Variants in BCAR1 observed in about 807,000 individuals in gnomAD.
BCAR1 encodes the protein breast cancer anti-estrogen resistance protein 1.
BCAR1 carries 30 observed loss-of-function variants against 67.6 expected under a neutral mutation model. That is an observed-to-expected ratio of 0.44 (90% CI 0.33 to 0.60). The LOEUF (loss-of-function observed/expected upper bound fraction) is 0.60. Ranked by LOEUF, BCAR1 falls within the 20% of genes least tolerant of loss-of-function variation. The pLI is 0.02. For synonymous variants in BCAR1, 626 were observed against 556.7 expected, an observed-to-expected ratio of 1.12 and a Z score of -1.75; for missense variants, 1,313 against 1,222.3, an observed-to-expected ratio of 1.07 and a Z score of -1.11.
At chr16:75,259,896 G>T (rs1597283144) in intron 1 of BCAR1, among the ~76,000 whole-genome samples, 1 of 150,230 alleles carries the variant, frequency 6.7e-6, no homozygotes, top group Non-Finnish European at 1.5e-5. Context: ...TATGCTCGAG[G>T]AATAAAGCCA....
chr16:75,234,751 T>G, intron 5 of BCAR1, 138 bp downstream of exon 5: 1 of 1,310,202 alleles, frequency 7.6e-7, no homozygotes, highest in Non-Finnish European at 1.0e-6. Context: ...GGGGCCAATG[T>G]GGGGTGAGGG....
At chr16:75,262,315 G>A (rs980679434) in intron 1 of BCAR1, among the ~76,000 whole-genome samples, 5 of 152,230 alleles carry the variant, frequency 3.3e-5, no homozygotes, top group African/African-American at 7.2e-5. Context: ...GAGAGACAGC[G>A]GGGCAAGCAG....
At chr16:75,255,365 G>T (rs966639933), upstream of BCAR1, among the ~76,000 whole-genome samples, 1 of 152,118 alleles carries the variant, frequency 6.6e-6, no homozygotes, top group Non-Finnish European at 1.5e-5. Flanking sequence ...AGGAAGAAAC[G>T]GTATCTCTGG....
chr16:75,245,797 C>T (rs549253220), intron 1 of BCAR1, among the ~76,000 whole-genome samples: 2 of 152,190 alleles, frequency 1.3e-5, no homozygotes, highest in East Asian at 3.9e-4. Context: ...CCCGCCTCTC[C>T]GGGCCTCTCT....
chr16:75,259,708 C>A (rs991344693), intron 1 of BCAR1, among the ~76,000 whole-genome samples: 6 of 151,382 alleles, frequency 4.0e-5, no homozygotes, highest in African/African-American at 1.5e-4. Flanking sequence ...AAAAATTAGC[C>A]GGGCATGGTG....
intron 2 of BCAR1, chr16:75,238,768 C>T: frequency 1.0e-6 from 1 of 985,550 alleles, no homozygotes; most frequent in Non-Finnish European, 1.2e-6. Flanking sequence ...CTTGAGTCTC[C>T]TCCAGAACTA....
chr16:75,251,682 G>A (rs2077684772), upstream of BCAR1: 1 of 994,266 alleles, frequency 1.0e-6, no homozygotes, highest in Non-Finnish European at 1.2e-6. Flanking sequence ...CAGCATGCCC[G>A]GCCGCGCGCG....
chr16:75,265,978 C>T, intron 1 of BCAR1: 1 of 1,056,222 alleles, frequency 9.5e-7, no homozygotes, highest in Non-Finnish European at 1.1e-6. Context: ...GGACGCCGGA[C>T]TGTCCGGCCG....
chr16:75,262,354 C>G (rs1417617585), intron 1 of BCAR1, among the ~76,000 whole-genome samples: 1 of 152,180 alleles, frequency 6.6e-6, no homozygotes, highest in Non-Finnish European at 1.5e-5. Flanking sequence ...GAAGAGGGAG[C>G]CTGACACAAC....
At position 75,263,305 on chromosome 16, in the gene BCAR1, A is replaced by G. The variant is rs1215876437; in HGVS notation, c.66+4610T>C. ...CCCCTAAACATGGACTCCCAAGCCA[A>G]TGCCAGCCAGAGGTCTGAGGTGGGT... On this transcript the variant is annotated intron_variant, in intron 1 of 6. Coordinates refer to the BCAR1 transcript ENST00000393422. 4 of 985,312 alleles carry G rather than the reference A, an allele frequency of 4.1e-6. No homozygotes were observed. The Admixed American group carries it at 2.5e-4, about 61-fold the overall frequency. The allele number at this position is 985,312 out of a possible 1,614,324, so 61.0% of individuals were successfully genotyped here. A position where few individuals can be genotyped will look rare whatever the true frequency, so the allele number is the denominator to read the frequency against.
chr16:75,260,626 T>A, intron 1 of BCAR1, among the ~76,000 whole-genome samples: 3 of 105,108 alleles, frequency 2.9e-5, no homozygotes, highest in Non-Finnish European at 1.9e-5. Context: ...AGAGTGAGAC[T>A]CCATCTCAAA....
At chr16:75,236,217 A>C in intron 4 of BCAR1, 3 of 577,802 alleles carry the variant, frequency 5.2e-6, no homozygotes, top group Non-Finnish European at 8.8e-6. Flanking sequence ...ATTCCTATCC[A>C]TGACAGCTCT....
At chr16:75,266,742 C>A in intron 1 of BCAR1, 1 of 1,452,180 alleles carries the variant, frequency 6.9e-7, no homozygotes, top group Non-Finnish European at 9.2e-7. Context: ...AGGGGTCCGA[C>A]CCCTCTGTTC....
chr16:75,255,466 G>A (rs1302369701), upstream of BCAR1, among the ~76,000 whole-genome samples: 1 of 152,208 alleles, frequency 6.6e-6, no homozygotes, highest in African/African-American at 2.4e-5. Context: ...GGTGGCTCAC[G>A]CCTGTAATCT....
chr16:75,229,922 G>T lies in BCAR1; in HGVS notation c.2202C>A (p.Gly734=), dbSNP rs773038655. ...PAQPLAPGRT[G]GLGPSDRQLL... ...GCTGCCGGTCCGAGGGCCCCAGGCCGCCTGTTCGCCCCGGGGCCAGGGGTT... is the reference window on the plus strand; with the variant it reads ...GCTGCCGGTCCGAGGGCCCCAGGCCTCCTGTTCGCCCCGGGGCCAGGGGTT... Residue 734 remains glycine, a synonymous_variant, in exon 7 of 7, where the codon GGC becomes GGA. Transcript: ENST00000162330. The T allele has an allele frequency of 1.2e-6, 2 of 1,607,074 alleles. No homozygotes were observed. The highest frequency in any genetic ancestry group is 1.7e-6 in the Non-Finnish European group (2 of 1,175,166).
intron 1 of BCAR1, chr16:75,266,870 C>G: frequency 1.8e-6 from 2 of 1,121,152 alleles, no homozygotes; most frequent in East Asian, 3.0e-5. Flanking sequence ...CTCCATGAGG[C>G]TGGTTTGCCG....
chr16:75,264,686 C>T, intron 1 of BCAR1: 2 of 1,241,608 alleles, frequency 1.6e-6, no homozygotes, highest in South Asian at 3.8e-5. Context: ...TGGCCAGCTT[C>T]CCTCTGGTCA....
upstream of BCAR1, among the ~76,000 whole-genome samples, chr16:75,252,733 G>A (rs1362899207): frequency 6.6e-6 from 1 of 152,242 alleles, no homozygotes; most frequent in East Asian, 1.9e-4. Flanking sequence ...CATGGCCTAT[G>A]GAAGACACAA....
chr16:75,229,410 G>A lies in BCAR1; in HGVS notation c.*101C>T. The A allele has an allele frequency of 7.1e-7, 1 of 1,412,908 alleles. No individual in the cohort carries two copies. The highest frequency in any genetic ancestry group is 1.5e-5 in the South Asian group (1 of 66,674). 87.5% of individuals were successfully genotyped at this position (1,412,908 alleles called of 1,614,324 possible). A position where few individuals can be genotyped will look rare whatever the true frequency, so the allele number is the denominator to read the frequency against. ...GGCACCAGGACCGACGCAGAGCTGG[G>A]GTCCTGTCCCTAAGCCTGTGGCACA... is the stretch of plus-strand genomic sequence containing the variant. On this transcript the variant is annotated 3_prime_UTR_variant, in exon 7 of 7. Coordinates refer to ENST00000162330, the MANE Select transcript of BCAR1 (RefSeq NM_014567.5).
Sources: gnomAD v4.1 joint callset for allele counts (sites outside exome capture counted in the v4.1 genomes callset) on GRCh38, gnomAD v4.1.1 for gene constraint, MANE v1.5 for transcripts, NCBI Gene and HGNC (gene_info 2026-07-23, HGNC 2026-07-21) for gene names.